ISM1: variants seen among roughly 807,000 people sequenced by gnomAD.
ISM1 encodes the protein isthmin 1.
In ISM1, 25 loss-of-function variants were observed where a neutral mutation model predicts 46.3. The observed-to-expected ratio is 0.54, with a 90% CI of 0.39 to 0.75. The LOEUF is 0.75. Among genes scored for constraint, ISM1 ranks in the 30% least tolerant of loss-of-function variants. ISM1 has a pLI of 0.00. For missense variants in ISM1, 536 were observed against 625.4 expected (o/e 0.86, Z 1.52); for synonymous variants, 255 against 256.7 (o/e 0.99, Z 0.06).
chr20:13,291,419 G>T (rs2040351797), intron 4 of ISM1, among the ~76,000 whole-genome samples: 1 of 152,210 alleles, frequency 6.6e-6, no homozygotes, highest in Admixed American at 6.5e-5. Context: ...AGTTTGTCCT[G>T]TAGGTCAACC....
intron 1 of ISM1, among the ~76,000 whole-genome samples, chr20:13,241,569 TATAAATAGAGTGATGGTA>T (rs1312470222): frequency 6.6e-6 from 1 of 151,748 alleles, no homozygotes; most frequent in Middle Eastern, 3.2e-3. Flanking sequence ...CAGACAGGAG[TATAAATAGAGTGATGGTA>T]ATAAAAGAGT....
intron 1 of ISM1, among the ~76,000 whole-genome samples, chr20:13,230,963 A>G (rs2039581611): frequency 6.6e-6 from 1 of 152,174 alleles, no homozygotes; most frequent in African/African-American, 2.4e-5. Flanking sequence ...GGGACTAAGC[A>G]CTCACTGCCC....
the ISM1 span, among the ~76,000 whole-genome samples, chr20:13,313,672 A>G: frequency 5.9e-5 from 9 of 152,202 alleles, no homozygotes; most frequent in African/African-American, 2.2e-4. Context: ...CCACATCACT[A>G]AAGTCCTATT....
At chr20:13,268,034 T>G (rs988510994) in intron 1 of ISM1, among the ~76,000 whole-genome samples, 10 of 152,226 alleles carry the variant, frequency 6.6e-5, no homozygotes, top group African/African-American at 2.4e-4. Context: ...AGGGAACAAA[T>G]GCATTCAGCT....
chr20:13,273,837 A>G (rs1175995439), intron 2 of ISM1, among the ~76,000 whole-genome samples: 1 of 152,086 alleles, frequency 6.6e-6, no homozygotes, highest in Non-Finnish European at 1.5e-5. Context: ...TACAATCCCT[A>G]TCGGTTAATT....
the ISM1 span, among the ~76,000 whole-genome samples, chr20:13,317,024 ATTTT>A: frequency 6.6e-6 from 1 of 151,958 alleles, no homozygotes; most frequent in Admixed American, 6.6e-5. Flanking sequence ...GGATGACATG[ATTTT>A]CTATGTAAAA....
chr20:13,286,874 C>T (rs2040299522), intron 3 of ISM1, among the ~76,000 whole-genome samples: 2 of 152,228 alleles, frequency 1.3e-5, no homozygotes, highest in South Asian at 4.1e-4. Context: ...GTACTCCCTC[C>T]CGGCAAGGGG....
chr20:13,301,224 T>C (rs1437673473), downstream of ISM1, among the ~76,000 whole-genome samples: 1 of 152,198 alleles, frequency 6.6e-6, no homozygotes, highest in African/African-American at 2.4e-5. Context: ...AGTCTCACTC[T>C]GTCCCCCAAG....
intron 3 of ISM1, among the ~76,000 whole-genome samples, chr20:13,282,224 C>T (rs1202274783): frequency 2.0e-5 from 3 of 152,094 alleles, no homozygotes; most frequent in Non-Finnish European, 4.4e-5. Flanking sequence ...TCCCAGGCAT[C>T]GTTGTCTTTT....
intron 1 of ISM1, among the ~76,000 whole-genome samples, chr20:13,241,364 G>A (rs2039720327): frequency 6.6e-6 from 1 of 152,192 alleles, no homozygotes; most frequent in Admixed American, 6.5e-5. Flanking sequence ...TAAGATCAGA[G>A]ATACCAGGGC....
chr20:13,247,517 G>GGTGTGTGTGTGTGTCTGTGTGTGTGTGT (rs55680207), intron 1 of ISM1, among the ~76,000 whole-genome samples: 5 of 139,912 alleles, frequency 3.6e-5, no homozygotes, highest in African/African-American at 8.1e-5. Context: ...CAAAGTGAGG[G>GGTGTGTGTGTGTGTCTGTGTGTGTGTGT]GTGTGTGTGT....
At chr20:13,306,234 T>C in the ISM1 span, among the ~76,000 whole-genome samples, 1 of 152,204 alleles carries the variant, frequency 6.6e-6, no homozygotes, top group Non-Finnish European at 1.5e-5. Flanking sequence ...GATATAAAAA[T>C]TTCAAGCCTG....
At position 13,270,564 on chromosome 20, in the gene ISM1, G is replaced by T; in HGVS notation, c.199G>T (p.Ala67Ser). 1.9e-6 allele frequency: 3 copies of T among 1,613,914 alleles called. No individual in the cohort carries two copies. The highest frequency in any genetic ancestry group is 2.2e-5 in the South Asian group (2 of 91,070). Reference protein sequence around the residue: ...SETSFSLSKEAPREHLDHQAA... With the variant: ...SETSFSLSKESPREHLDHQAA... ...AACCAGCTTTTCTCTCTCCAAAGAA[G>T]CACCAAGGGAGCATCTGGACCACCA... The change falls in exon 2 of 6, where the codon GCA becomes TCA. Residue 67 changes from alanine to serine, a missense_variant. Physicochemically the swap from Ala to Ser is moderately conservative, Grantham distance 99 (BLOSUM62 1). Coordinates refer to ENST00000262487, the MANE Select transcript of ISM1 (RefSeq NM_080826.2).
At chr20:13,309,334 T>C in the ISM1 span, among the ~76,000 whole-genome samples, 2 of 151,870 alleles carry the variant, frequency 1.3e-5, no homozygotes, top group Admixed American at 1.3e-4. Context: ...TTTATGCTCA[T>C]CTCAAGAGAT....
chr20:13,270,119 C>T (rs1269104665), intron 1 of ISM1, among the ~76,000 whole-genome samples: 1 of 152,216 alleles, frequency 6.6e-6, no homozygotes, highest in Non-Finnish European at 1.5e-5. Context: ...CAACTCTGGA[C>T]ACTAGAGCTA....
At chr20:13,286,889 C>T (rs1279198319) in intron 3 of ISM1, among the ~76,000 whole-genome samples, 6 of 152,228 alleles carry the variant, frequency 3.9e-5, no homozygotes, top group Non-Finnish European at 5.9e-5. Flanking sequence ...AAGGGGCATG[C>T]CTTTAGCTCC....
At chr20:13,283,511 T>C (rs994517210) in intron 3 of ISM1, among the ~76,000 whole-genome samples, 1 of 152,162 alleles carries the variant, frequency 6.6e-6, no homozygotes, top group Non-Finnish European at 1.5e-5. Context: ...TAGGATACAA[T>C]GGCATCTGTA....
At chr20:13,246,712 C>G (rs1242806574) in intron 1 of ISM1, among the ~76,000 whole-genome samples, 1 of 152,216 alleles carries the variant, frequency 6.6e-6, no homozygotes, top group Non-Finnish European at 1.5e-5. Flanking sequence ...AAGACCTTGT[C>G]CAATCCCCCA....
At chr20:13,243,267 C>T (rs2039750976) in intron 1 of ISM1, among the ~76,000 whole-genome samples, 1 of 152,172 alleles carries the variant, frequency 6.6e-6, no homozygotes, top group Admixed American at 6.5e-5. Context: ...TGGTCAGTTC[C>T]ATGCAGTCAT....
Sources: allele counts gnomAD v4.1 joint callset (sites outside exome capture counted in the v4.1 genomes callset), GRCh38; gene constraint gnomAD v4.1.1; transcripts MANE v1.5; gene names NCBI Gene and HGNC (gene_info 2026-07-23, HGNC 2026-07-21).